The following FOXP1 variants were observed in gnomAD, a reference collection of about 807,000 sequenced individuals.
The protein encoded by FOXP1 is forkhead box protein P1.
Under a neutral mutation model 98.2 loss-of-function variants are expected in FOXP1, and 15 were observed. That is an observed-to-expected ratio of 0.15 (90% CI 0.10 to 0.24). FOXP1 has a LOEUF of 0.24. FOXP1 is among the 10% of genes least tolerant of loss of function. The pLI is 1.00. For synonymous variants in FOXP1, 371 were observed against 314.5 expected (o/e 1.18, Z -1.90); for missense variants, 633 against 848.5 (o/e 0.75, Z 3.15).
Position 70,961,265 on chromosome 3 carries a change from C to T in FOXP1, c.1890-1874G>A, listed in dbSNP as rs544504719. On this transcript the variant is annotated intron_variant, in intron 20 of 20. Transcript: ENST00000649528. Reference sequence around the variant, plus strand: ...TTATTTATTGAGACATAGTCGTGCTCTGTCACCCAGGCTGGAGTGCAGTGG... The same window carrying T: ...TTATTTATTGAGACATAGTCGTGCTTTGTCACCCAGGCTGGAGTGCAGTGG... Among the ~76,000 whole-genome samples, 20 of 152,230 alleles carry T rather than the reference C, an allele frequency of 1.3e-4. No homozygotes were observed. In the East Asian group the frequency reaches 2.9e-3, roughly 22 times the overall value.
intron 5 of FOXP1, among the ~76,000 whole-genome samples, chr3:71,272,798 G>C (rs986129779): frequency 1.3e-5 from 2 of 152,066 alleles, no homozygotes; most frequent in Admixed American, 1.3e-4. Flanking sequence ...TTTTTGACTG[G>C]AAAGTCTTTC....
At chr3:71,069,522 A>G (rs1349779762) in intron 7 of FOXP1, among the ~76,000 whole-genome samples, 1 of 152,174 alleles carries the variant, frequency 6.6e-6, no homozygotes, top group African/African-American at 2.4e-5. Context: ...TGCTTCTGCC[A>G]TGGGGTTAGA....
In FOXP1 at chr3:71,576,795, G is replaced by C. The variant is rs2047753889; in HGVS notation, c.-298+4754C>G. Among the ~76,000 whole-genome samples, 2 of 152,134 alleles carry C rather than the reference G, an allele frequency of 1.3e-5. 1 individual carries two copies. The highest frequency in any genetic ancestry group is 4.1e-4 in the South Asian group (2 of 4,826). Reference sequence around the variant, plus strand: ...CTTTTGAAATAAAACAGCTTGGGGAGGGTCATGAGGAAACACCCATTTACA... The same window carrying C: ...CTTTTGAAATAAAACAGCTTGGGGACGGTCATGAGGAAACACCCATTTACA... On this transcript the variant is annotated intron_variant, in intron 2 of 20. Coordinates refer to ENST00000649528, the MANE Select transcript of FOXP1 (RefSeq NM_001349338.3).
At chr3:71,208,806 C>T (rs1484769530) in intron 5 of FOXP1, among the ~76,000 whole-genome samples, 2 of 152,094 alleles carry the variant, frequency 1.3e-5, no homozygotes, top group African/African-American at 4.8e-5. Flanking sequence ...AGAGGCCACT[C>T]TTTGAGAATC....
intron 5 of FOXP1, among the ~76,000 whole-genome samples, chr3:71,299,170 C>T (rs1298777178): frequency 1.3e-5 from 2 of 152,100 alleles, no homozygotes; most frequent in Non-Finnish European, 2.9e-5. Flanking sequence ...CTCCCAAAAG[C>T]GAATTTGAGA....
At chr3:71,007,931 T>G (rs562626733) in intron 12 of FOXP1, among the ~76,000 whole-genome samples, 1 of 152,314 alleles carries the variant, frequency 6.6e-6, no homozygotes, top group East Asian at 1.9e-4. Context: ...ATATACAGTT[T>G]ATTTTGGCTT....
intron 3 of FOXP1, among the ~76,000 whole-genome samples, chr3:71,402,712 G>A (rs896263938): frequency 2.6e-5 from 4 of 152,206 alleles, no homozygotes. Flanking sequence ...TAAATGGAAT[G>A]GAACGGGTAC....
At position 71,052,559 on chromosome 3, in the gene FOXP1, T is replaced by A; in HGVS notation, c.488A>T (p.His163Leu). Residue 163 changes from histidine (H) to leucine (L), a missense_variant, in exon 9 of 21, where the codon CAT becomes CTT. Around this residue, in one of 6 missense-constraint regions of FOXP1, gnomAD observed 210 missense variants for 270.6 expected, o/e 0.78. Coordinates refer to ENST00000649528, the MANE Select transcript of FOXP1 (RefSeq NM_001349338.3). The part of the protein sequence containing the change: ...QLQLQLLQQQ[H>L]AGKQPKEQQQ... The stretch of plus-strand genomic sequence containing the variant: ...TACCTCTTTAGGCTGTTTTCCAGCA[T>A]GTTGTTGTTGTAAAAGTTGAAGCTG... 7.3e-7 allele frequency: 1 copy of A among 1,373,762 alleles called. No individual in the cohort carries two copies. Among genetic ancestry groups the A allele is most frequent in the Non-Finnish European group, 1.0e-6 (1 of 960,342 alleles). 85.1% of individuals were successfully genotyped at this position (1,373,762 alleles called of 1,614,324 possible).
At chr3:71,373,325 A>T (rs1733533) in intron 3 of FOXP1, among the ~76,000 whole-genome samples, 1 of 14,872 alleles carries the variant, frequency 6.7e-5, no homozygotes, top group Non-Finnish European at 3.2e-4. Context: ...TCGCCTTTAC[A>T]AAAAAAAAAC....
chr3:71,468,503 G>A (rs759853916), intron 3 of FOXP1, among the ~76,000 whole-genome samples: 1 of 152,074 alleles, frequency 6.6e-6, no homozygotes, highest in Admixed American at 6.6e-5. Context: ...GGAGAACAGC[G>A]GGGTGAACAG....
intron 3 of FOXP1, among the ~76,000 whole-genome samples, chr3:71,418,956 G>A (rs575100300): frequency 8.4e-5 from 12 of 142,626 alleles, no homozygotes; most frequent in East Asian, 2.0e-4. Flanking sequence ...AAAAAAAGCC[G>A]GGTGCAGTGG....
chr3:71,550,903 C>T (rs982903647), intron 2 of FOXP1, among the ~76,000 whole-genome samples: 7 of 152,230 alleles, frequency 4.6e-5, no homozygotes, highest in African/African-American at 1.2e-4. Context: ...GCACTCTCTG[C>T]GGCTCCTCCT....
At chr3:71,362,498 C>G (rs1204197559) in intron 3 of FOXP1, among the ~76,000 whole-genome samples, 1 of 152,138 alleles carries the variant, frequency 6.6e-6, no homozygotes, top group Non-Finnish European at 1.5e-5. Context: ...GAGAAAGGGT[C>G]TCACTCTGTT....
rs542946257 is a variant in FOXP1 at position 71,000,471 on chromosome 3, C to T, written c.1062+501G>A. The stretch of plus-strand genomic sequence containing the variant: ...ACTTCCATTGCGACTTGGGAAAACA[C>T]GGTTTTGGGTGCACTGCCTTGCCGT... On this transcript the variant is annotated intron_variant, in intron 13 of 20. Transcript: ENST00000649528. 1.8e-4 allele frequency among the ~76,000 whole-genome samples: 27 copies of T among 152,142 alleles called. No homozygotes were observed. The East Asian group carries it at 5.0e-3, about 28-fold the overall frequency.
At chr3:71,510,207 G>A (rs1302282101) in intron 2 of FOXP1, among the ~76,000 whole-genome samples, 2 of 151,892 alleles carry the variant, frequency 1.3e-5, no homozygotes, top group Non-Finnish European at 2.9e-5. Context: ...AGAAGAGTCA[G>A]GCCATGTGCG....
intron 12 of FOXP1, among the ~76,000 whole-genome samples, chr3:71,012,133 A>T (rs1027522379): frequency 1.3e-5 from 2 of 152,192 alleles, no homozygotes; most frequent in African/African-American, 4.8e-5. Flanking sequence ...GCTTATGGAT[A>T]GCAATTTTAT....
chr3:71,119,194 C>G (rs1011463517), intron 6 of FOXP1, among the ~76,000 whole-genome samples: 2 of 152,188 alleles, frequency 1.3e-5, no homozygotes, highest in Non-Finnish European at 2.9e-5. Context: ...CTGTTTAAAA[C>G]TTGCCTCAAA....
At chr3:70,976,265 G>T (rs1170000987) in intron 17 of FOXP1, among the ~76,000 whole-genome samples, 1 of 151,638 alleles carries the variant, frequency 6.6e-6, no homozygotes, top group Non-Finnish European at 1.5e-5. Context: ...CGTTGCCCAG[G>T]CTGGTCTCTA....
intron 3 of FOXP1, among the ~76,000 whole-genome samples, chr3:71,360,087 T>C (rs189614395): frequency 2.9e-4 from 44 of 152,276 alleles, no homozygotes; most frequent in African/African-American, 9.4e-4. Flanking sequence ...GCCACCATGC[T>C]CGGCTTATAA....
Sources: allele counts gnomAD v4.1 joint callset (sites outside exome capture counted in the v4.1 genomes callset), GRCh38; gene constraint gnomAD v4.1.1; regional missense constraint gnomAD v4.1.1; transcripts MANE v1.5; gene names NCBI Gene and HGNC (gene_info 2026-07-23, HGNC 2026-07-21).